Variants in MTTP observed in about 807,000 individuals in gnomAD.
The protein encoded by MTTP is microsomal triglyceride transfer protein.
A neutral mutation model predicts 90.6 loss-of-function variants in MTTP; 49 were observed. That is an observed-to-expected ratio of 0.54 (90% CI 0.43 to 0.69). MTTP has a LOEUF of 0.69. MTTP is among the 30% of genes least tolerant of loss of function. The pLI is 0.00. For missense variants in MTTP, 945 were observed against 1,067.5 expected, an observed-to-expected ratio of 0.89 and a Z score of 1.60; for synonymous variants, 347 against 384.2, an observed-to-expected ratio of 0.90 and a Z score of 1.13.
intron 6 of MTTP, among the ~76,000 whole-genome samples, chr4:99,592,106 GT>G (rs1481253613): frequency 2.0e-5 from 3 of 152,126 alleles, no homozygotes; most frequent in Admixed American, 6.6e-5. Flanking sequence ...ACAATGGTAA[GT>G]TTTTGTGTAT....
rs1482247010 is a variant in MTTP at position 99,623,696 on chromosome 4, T to C, written c.*848T>C. 1 of 152,240 alleles carries C rather than the reference T, an allele frequency of 6.6e-6. No homozygotes were observed. Among genetic ancestry groups the C allele is most frequent in the Non-Finnish European group, 1.5e-5 (1 of 68,056 alleles). The allele number at this position is 152,240 out of a possible 1,614,324, so 9.4% of individuals were successfully genotyped here. Reference sequence around the variant, plus strand: ...ACCTTTTTGGGGGTGAGAGCTCTAGTTCATTTAACTGTACTCTGCACAATA... The same window carrying C: ...ACCTTTTTGGGGGTGAGAGCTCTAGCTCATTTAACTGTACTCTGCACAATA... On this transcript the variant is annotated 3_prime_UTR_variant, in exon 18 of 18. Transcript: ENST00000265517.
chr4:99,570,430 TA>T (rs1052902978), upstream of MTTP, among the ~76,000 whole-genome samples: 78 of 152,124 alleles, frequency 5.1e-4, no homozygotes, highest in Middle Eastern at 0.01. Context: ...CTAGTTCCTT[TA>T]AATATCTTCT....
intron 1 of MTTP, chr4:99,564,291 A>G (rs1223533111): frequency 1.0e-5 from 15 of 1,490,788 alleles, no homozygotes; most frequent in African/African-American, 8.3e-5. Context: ...ATGCAAAACA[A>G]CGAAGAAAGG....
intron 1 of MTTP, among the ~76,000 whole-genome samples, chr4:99,566,792 C>T (rs1724713105): frequency 3.3e-5 from 5 of 152,132 alleles, no homozygotes; most frequent in Admixed American, 1.3e-4. Flanking sequence ...AAGAAGGAGG[C>T]TACAGACAGA....
chr4:99,615,847 G>C (rs1366981245), intron 15 of MTTP, among the ~76,000 whole-genome samples: 2 of 152,198 alleles, frequency 1.3e-5, no homozygotes, highest in Non-Finnish European at 1.5e-5. Flanking sequence ...CAGCATCTGA[G>C]CTATAAGAAA....
At chr4:99,592,520 T>G (rs1725455256) in intron 6 of MTTP, among the ~76,000 whole-genome samples, 1 of 150,286 alleles carries the variant, frequency 6.7e-6, no homozygotes, top group South Asian at 2.1e-4. Flanking sequence ...TTTTTAAATT[T>G]TTTATTTTTA....
At position 99,621,211 on chromosome 4, in the gene MTTP, C is replaced by T. The variant is rs750007867; in HGVS notation, c.2493C>T (p.Asp831=). The stretch of plus-strand genomic sequence containing the variant: ...CATTCTTAGTTTGCATGCAGATGGA[C>T]AAGGATGAAGCTCCATTCAGGTAAG... ...QYPFLVCMQM[D]KDEAPFRQFE... is the part of the protein sequence containing the mutation. The change falls in exon 17 of 18, where the codon GAC becomes GAT. Residue 831 remains aspartate, a synonymous_variant. Transcript: ENST00000265517. The T allele has an allele frequency of 6.2e-7, 1 of 1,613,902 alleles. No individual in the cohort carries two copies. The highest frequency in any genetic ancestry group is 2.2e-5 in the East Asian group (1 of 44,864).
Position 99,623,887 on chromosome 4 carries a change from G to A in MTTP, c.*1039G>A, listed in dbSNP as rs1726309336. The stretch of plus-strand genomic sequence containing the variant: ...ATGTGGTGATAAACCCAAAACAAAT[G>A]ACAGGTCCTTATTTTCCACTAAACA... On this transcript the variant is annotated 3_prime_UTR_variant, in exon 18 of 18. Transcript: ENST00000265517. 1 of 152,170 alleles carries A rather than the reference G, an allele frequency of 6.6e-6. No homozygotes were observed. Among genetic ancestry groups the A allele is most frequent in the African/African-American group, 2.4e-5 (1 of 41,438 alleles). The allele number at this position is 152,170 out of a possible 1,614,324, so 9.4% of individuals were successfully genotyped here.
chr4:99,600,532 CA>C (rs1560620964), intron 8 of MTTP, 32 bp from the exon 9 acceptor site: 5 of 1,601,008 alleles, frequency 3.1e-6, no homozygotes, highest in Non-Finnish European at 4.3e-6. Flanking sequence ...TTCCCCTAAA[CA>C]TTGATATCCA....
intron 5 of MTTP, 104 bp downstream of exon 5, chr4:99,591,455 T>C: frequency 3.4e-6 from 4 of 1,189,236 alleles, no homozygotes; most frequent in Non-Finnish European, 4.9e-6. Flanking sequence ...TTTGAAACAT[T>C]TGTAATTTTT....
upstream of MTTP, chr4:99,570,866 G>A: frequency 2.3e-6 from 1 of 438,488 alleles, no homozygotes; most frequent in Non-Finnish European, 4.6e-6. Flanking sequence ...GCTAGAAAAG[G>A]TAAGAAACAA....
At chr4:99,597,776 C>T (rs1340382868) in intron 8 of MTTP, among the ~76,000 whole-genome samples, 1 of 152,118 alleles carries the variant, frequency 6.6e-6, no homozygotes, top group African/African-American at 2.4e-5. Context: ...AACTATGATC[C>T]ATTTTACATG....
At chr4:99,585,270 G>A (rs1157587664) in intron 3 of MTTP, among the ~76,000 whole-genome samples, 3 of 151,982 alleles carry the variant, frequency 2.0e-5, no homozygotes, top group African/African-American at 7.2e-5. Flanking sequence ...ATGGCCCTGA[G>A]CAGTAAGGGC....
In MTTP at chr4:99,611,285, A is replaced by G. The variant is rs752199018; in HGVS notation, c.1867+45A>G. 10 of 1,613,994 alleles carry G rather than the reference A, an allele frequency of 6.2e-6. No individual in the cohort carries two copies. The South Asian group carries it at 1.1e-4, about 18-fold the overall frequency. ...GTTCTCCTTCCATACCCCACAACTT[A>G]GCATTGCTGGAACTGCTATTAAATT... On this transcript the variant is annotated intron_variant, in intron 13 of 17. Transcript: ENST00000265517.
intron 11 of MTTP, among the ~76,000 whole-genome samples, chr4:99,608,368 C>T (rs1725869696): frequency 6.6e-6 from 1 of 152,176 alleles, no homozygotes; most frequent in African/African-American, 2.4e-5. Context: ...TCACTTGAAC[C>T]TGGGAAGCGG....
In MTTP at chr4:99,587,025, C is replaced by G. The variant is rs193183615; in HGVS notation, c.394-2618C>G. ...TGGATGTTCAGAACTAATTTCATTG[C>G]TGAATGAAGTAATCAACTTTATGGC... On this transcript the variant is annotated intron_variant, in intron 3 of 17. Transcript: ENST00000265517. Among the ~76,000 whole-genome samples the G allele has an allele frequency of 2.4e-4, 37 of 152,238 alleles. 1 individual carries two copies. The highest frequency in any genetic ancestry group is 7.5e-4 in the African/African-American group (31 of 41,538).
chr4:99,588,164 T>G (rs17029173), intron 3 of MTTP, among the ~76,000 whole-genome samples: 26,955 of 152,116 alleles, frequency 0.18, 2,737 homozygotes, highest in African/African-American at 0.25. Flanking sequence ...AGGCACAAGA[T>G]AATTTTCATG....
chr4:99,613,178 A>G (rs886557189), intron 15 of MTTP, 38 bp downstream of exon 15: 11 of 1,534,550 alleles, frequency 7.2e-6, no homozygotes, highest in Non-Finnish European at 9.0e-6. Context: ...TTGAGTCCCT[A>G]AAATACGCCA....
upstream of MTTP, among the ~76,000 whole-genome samples, chr4:99,572,268 A>G (rs1724857137): frequency 6.6e-6 from 1 of 152,030 alleles, no homozygotes. Flanking sequence ...TGATCTAACT[A>G]TCATAGATCA....
Sources: gnomAD v4.1 joint callset for allele counts (sites outside exome capture counted in the v4.1 genomes callset) on GRCh38, gnomAD v4.1.1 for gene constraint, MANE v1.5 for transcripts, NCBI Gene and HGNC (gene_info 2026-07-23, HGNC 2026-07-21) for gene names.